The following CNTN4 variants were observed in gnomAD, a reference collection of about 807,000 sequenced individuals.
The protein encoded by CNTN4 is contactin 4.
Under a neutral mutation model 122.5 loss-of-function variants are expected in CNTN4, and 77 were observed. The observed-to-expected ratio is 0.63, with a 90% CI of 0.52 to 0.76. CNTN4 has a LOEUF of 0.76. Ranked by LOEUF, CNTN4 falls within the 30% of genes least tolerant of loss-of-function variation. The pLI, the probability that CNTN4 is intolerant of heterozygous loss-of-function variation, is 0.00. For missense variants in CNTN4, 1,256 were observed against 1,259.1 expected, an observed-to-expected ratio of 1.00 and a Z score of 0.04; for synonymous variants, 512 against 447.0, an observed-to-expected ratio of 1.15 and a Z score of -1.83.
intron 12 of CNTN4, among the ~76,000 whole-genome samples, chr3:2,917,993 G>C (rs2094388119): frequency 6.6e-6 from 1 of 152,020 alleles, no homozygotes; most frequent in Admixed American, 6.6e-5. Context: ...GGTTCTTCTA[G>C]ACTCCTAAAG....
At chr3:2,412,985 A>G (rs534452858) in intron 3 of CNTN4, among the ~76,000 whole-genome samples, 59 of 152,340 alleles carry the variant, frequency 3.9e-4, no homozygotes, top group Non-Finnish European at 5.9e-4. Context: ...CACTCAATAA[A>G]TGTTAACTGT....
chr3:2,315,514 C>T (rs970605746), intron 2 of CNTN4, among the ~76,000 whole-genome samples: 1 of 151,794 alleles, frequency 6.6e-6, no homozygotes, highest in African/African-American at 2.4e-5. Context: ...TACGAGATTT[C>T]TATTTTTCTA....
In CNTN4 at chr3:2,539,004, C is replaced by T. The variant is rs377012352; in HGVS notation, c.-88-32412C>T. Among the ~76,000 whole-genome samples the T allele has an allele frequency of 1.2e-4, 18 of 151,994 alleles. No individual in the cohort carries two copies. In the South Asian group the frequency reaches 3.5e-3, roughly 30 times the overall value. ...CAAAATATTATTGATGTAACTACTC[C>T]CCATTATTGAACATTTAGTTTCTTT... On this transcript the variant is annotated intron_variant, in intron 3 of 24. Coordinates refer to ENST00000418658, the MANE Select transcript of CNTN4 (RefSeq NM_175607.3).
At chr3:2,471,122 A>T (rs1312649892) in intron 3 of CNTN4, among the ~76,000 whole-genome samples, 1 of 152,226 alleles carries the variant, frequency 6.6e-6, no homozygotes, top group East Asian at 1.9e-4. Context: ...AAACTAAAAA[A>T]ATCACAGCAC....
chr3:2,660,286 C>T (rs1411444124), intron 4 of CNTN4, among the ~76,000 whole-genome samples: 2 of 152,062 alleles, frequency 1.3e-5, no homozygotes, highest in African/African-American at 2.4e-5. Flanking sequence ...TATGAGTCTG[C>T]AAGGACTTAT....
chr3:2,331,676 A>G (rs1033519681), intron 2 of CNTN4, among the ~76,000 whole-genome samples: 2 of 152,156 alleles, frequency 1.3e-5, no homozygotes, highest in Admixed American at 6.5e-5. Flanking sequence ...GGGAATGGCC[A>G]ACAGGGAGAT....
chr3:2,191,654 C>T (rs2320378), intron 2 of CNTN4, among the ~76,000 whole-genome samples: 110,024 of 151,616 alleles, frequency 0.73, 40,352 homozygotes, highest in South Asian at 0.83. Flanking sequence ...TACAACTGAA[C>T]TGGAAAGTGA....
chr3:2,576,763 G>A (rs2079708592), intron 4 of CNTN4, among the ~76,000 whole-genome samples: 1 of 152,070 alleles, frequency 6.6e-6, no homozygotes, highest in African/African-American at 2.4e-5. Flanking sequence ...GGCCAGGCTG[G>A]TCTCGAACTC....
At chr3:2,376,719 T>C (rs993645777) in intron 3 of CNTN4, among the ~76,000 whole-genome samples, 8 of 149,654 alleles carry the variant, frequency 5.3e-5, no homozygotes, top group Non-Finnish European at 1.0e-4. Flanking sequence ...CAGGTTAACA[T>C]ATAATATGCT....
intron 3 of CNTN4, among the ~76,000 whole-genome samples, chr3:2,408,973 T>G (rs2047132583): frequency 6.6e-6 from 1 of 152,200 alleles, no homozygotes; most frequent in Admixed American, 6.5e-5. Context: ...GTAGGCAGTT[T>G]TTGTATGAAA....
intron 4 of CNTN4, among the ~76,000 whole-genome samples, chr3:2,648,264 C>A (rs1485886610): frequency 6.6e-6 from 1 of 152,142 alleles, no homozygotes; most frequent in Admixed American, 6.5e-5. Flanking sequence ...AAATGAGCAT[C>A]CTATTACTGG....
intron 12 of CNTN4, among the ~76,000 whole-genome samples, chr3:2,923,703 C>T (rs2094448816): frequency 6.6e-6 from 1 of 152,172 alleles, no homozygotes; most frequent in Non-Finnish European, 1.5e-5. Flanking sequence ...AAGCTACCTT[C>T]TCATGCATGT....
intron 6 of CNTN4, among the ~76,000 whole-genome samples, chr3:2,748,447 C>T (rs2089913801): frequency 6.6e-6 from 1 of 151,868 alleles, no homozygotes; most frequent in Non-Finnish European, 1.5e-5. Flanking sequence ...AATGATTGTT[C>T]TCCTAGTTTA....
Position 2,926,009 on chromosome 3 carries a change from G to A in CNTN4, c.1358+230G>A, listed in dbSNP as rs553052568. Among the ~76,000 whole-genome samples, 123 of 152,290 alleles carry A rather than the reference G, an allele frequency of 8.1e-4. 4 individuals are homozygous for A. The South Asian group carries it at 0.025, about 30-fold the overall frequency. On this transcript the variant is annotated intron_variant, in intron 13 of 24. Coordinates refer to ENST00000418658, the MANE Select transcript of CNTN4 (RefSeq NM_175607.3). Reference sequence around the variant, plus strand: ...TGCAGAGATAGATCACATGATCCCCGCTGAAGACTGCCAGAGCTGCCTGAA... The same window carrying A: ...TGCAGAGATAGATCACATGATCCCCACTGAAGACTGCCAGAGCTGCCTGAA...
intron 13 of CNTN4, among the ~76,000 whole-genome samples, chr3:2,951,432 G>A (rs1413066809): frequency 6.6e-6 from 1 of 152,212 alleles, no homozygotes; most frequent in African/African-American, 2.4e-5. Context: ...GCGGAGCACA[G>A]ACTGTGATGC....
chr3:2,141,138 G>T (rs2034974073), intron 2 of CNTN4, among the ~76,000 whole-genome samples: 1 of 152,142 alleles, frequency 6.6e-6, no homozygotes, highest in African/African-American at 2.4e-5. Context: ...TCATTGCAGG[G>T]TATTGTGATA....
chr3:2,391,928 G>A (rs2046455137), intron 3 of CNTN4, among the ~76,000 whole-genome samples: 1 of 152,102 alleles, frequency 6.6e-6, no homozygotes, highest in Non-Finnish European at 1.5e-5. Flanking sequence ...TCTTTAAATG[G>A]GGCAAATATG....
At chr3:2,525,992 A>G (rs1179838294) in intron 3 of CNTN4, among the ~76,000 whole-genome samples, 3 of 152,132 alleles carry the variant, frequency 2.0e-5, no homozygotes, top group African/African-American at 4.8e-5. Context: ...CACACATCTT[A>G]CAGTACATCA....
intron 2 of CNTN4, among the ~76,000 whole-genome samples, chr3:2,310,775 C>T (rs1349509238): frequency 6.6e-6 from 1 of 152,126 alleles, no homozygotes; most frequent in Non-Finnish European, 1.5e-5. Flanking sequence ...CTAAAACTCA[C>T]TCGTTCTGTG....
Sources: gnomAD v4.1 joint callset for allele counts (sites outside exome capture counted in the v4.1 genomes callset) on GRCh38, gnomAD v4.1.1 for gene constraint, MANE v1.5 for transcripts, NCBI Gene and HGNC (gene_info 2026-07-23, HGNC 2026-07-21) for gene names.